The following PTBP1 variants were observed in gnomAD, a reference collection of about 807,000 sequenced individuals.
PTBP1 encodes polypyrimidine tract-binding protein 1.
In PTBP1, 8 loss-of-function variants were observed where a neutral mutation model predicts 59.8. That is an observed-to-expected ratio of 0.13 (90% confidence interval 0.08 to 0.24). PTBP1 has a LOEUF of 0.24. PTBP1 is among the 10% of genes least tolerant of loss of function. The pLI is 1.00. For synonymous variants in PTBP1, 490 were observed against 320.7 expected (o/e 1.53, Z -5.64); for missense variants, 686 against 767.0 (o/e 0.89, Z 1.25).
chr19:800,380 G>A (rs970172923), intron 2 of PTBP1, among the ~76,000 whole-genome samples: 2 of 152,212 alleles, frequency 1.3e-5, no homozygotes, highest in Admixed American at 6.5e-5. Flanking sequence ...GGCTCAGCAT[G>A]TGAGGAAAGG....
intron 3 of PTBP1, among the ~76,000 whole-genome samples, 166 bp from the exon 4 acceptor site, chr19:803,870 G>A (rs1438171529): frequency 2.0e-5 from 3 of 152,166 alleles, no homozygotes; most frequent in Non-Finnish European, 4.4e-5. Context: ...GGGAGCAGGG[G>A]TCCTGACTGT....
At chr19:807,554 C>G in intron 10 of PTBP1, 1 of 391,010 alleles carries the variant, frequency 2.6e-6, no homozygotes, top group Non-Finnish European at 4.6e-6. Flanking sequence ...CTTTTCTCCC[C>G]TTCCCCTTTC....
chr19:809,921 T>C (rs1364927557), intron 13 of PTBP1, among the ~76,000 whole-genome samples: 1 of 152,094 alleles, frequency 6.6e-6, no homozygotes, highest in Non-Finnish European at 1.5e-5. Context: ...ATAATGCAAG[T>C]ATTTGGAAAT....
chr19:808,799 C>T lies in PTBP1; in HGVS notation c.1463+37C>T, dbSNP rs201458997. 1,263 of 1,568,560 alleles carry T rather than the reference C, an allele frequency of 8.1e-4. 24 individuals carry two copies. In the East Asian group the frequency reaches 0.018, roughly 22 times the overall value. ...GCCGGGGGGCTCATGGGGCCGGGGG[C>T]GGGCAAGGGCTCTGCTTGGCTGTCC... On this transcript the variant is annotated intron_variant, in intron 13 of 14. Coordinates refer to ENST00000356948, the MANE Select transcript of PTBP1 (RefSeq NM_002819.5). This position sits in a 1 kb window ranked among gnomAD's most constrained non-coding sequence, Gnocchi z 4.7.
Position 806,419 on chromosome 19 carries a change from C to G in PTBP1, c.982C>G (p.Pro328Ala). ...AIPQAAGLSV[P>A]NVHGALAPLA... The stretch of plus-strand genomic sequence containing the variant: ...TCCTGCTTTTCCAGGCCTTTCCGTT[C>G]CGAACGTCCACGGCGCCCTGGCCCC... The change falls in exon 10 of 15, where the codon CCG becomes GCG. Residue 328 changes from proline (P) to alanine (A), a missense_variant. Pro to Ala is a conservative substitution (Grantham distance 27). Coordinates refer to ENST00000356948, the MANE Select transcript of PTBP1 (RefSeq NM_002819.5). The G allele has an allele frequency of 1.9e-6, 3 of 1,603,160 alleles. No homozygotes were observed. The highest frequency in any genetic ancestry group is 1.1e-5 in the South Asian group (1 of 90,512).
intron 2 of PTBP1, among the ~76,000 whole-genome samples, chr19:802,942 C>G (rs1215557789): frequency 1.3e-5 from 2 of 152,226 alleles, no homozygotes; most frequent in East Asian, 3.8e-4. Flanking sequence ...GGCCGCGATA[C>G]CAGCGGATCA....
At position 810,939 on chromosome 19, in the gene PTBP1, A is replaced by T. The variant is rs950590809; in HGVS notation, c.*113A>T. 2 of 1,147,764 alleles carry T rather than the reference A, an allele frequency of 1.7e-6. No individual in the cohort carries two copies. Among genetic ancestry groups the T allele is most frequent in the African/African-American group, 1.6e-5 (1 of 61,968 alleles). The allele number at this position is 1,147,764 out of a possible 1,614,324, so 71.1% of individuals were successfully genotyped here. On this transcript the variant is annotated 3_prime_UTR_variant, in exon 15 of 15. Transcript: ENST00000356948. ...AGCAGACCAGAGATTTTATTTTTTT[A>T]AAGAGAAATCAGTTTACCTGTTTTT...
Position 803,603 on chromosome 19 carries a change from C to T in PTBP1, c.82C>T (p.Pro28Ser), listed in dbSNP as rs779514191. ...ELFSTCVTNG[P>S]FIMSSNSASA... is the part of the protein sequence containing the mutation. ...TTTCTCTACTTGTGTCACTAACGGA[C>T]CGTTTATCATGAGCAGCAACTCGGC... The change falls in exon 3 of 15, where the codon CCG (proline) becomes TCG (serine). Residue 28 changes from proline to serine, a missense_variant. Transcript: ENST00000356948. The T allele has an allele frequency of 1.4e-5, 22 of 1,614,184 alleles. No homozygotes were observed. The South Asian group carries it at 2.4e-4, about 18-fold the overall frequency.
chr19:806,166 A>G lies in PTBP1; in HGVS notation c.971-242A>G, dbSNP rs2034560855. On this transcript the variant is annotated intron_variant, in intron 9 of 14. Transcript: ENST00000356948. ...CTTTTCTGTGCTGTGGGCGGGGCGCATGCAGATGAGCCCAGGCCCGGCCCG... is the reference window on the plus strand; with the variant it reads ...CTTTTCTGTGCTGTGGGCGGGGCGCGTGCAGATGAGCCCAGGCCCGGCCCG... 6.6e-5 allele frequency: 29 copies of G among 437,564 alleles called. No homozygotes were observed. The South Asian group carries it at 1.2e-3, about 18-fold the overall frequency. 27.1% of individuals were successfully genotyped at this position (437,564 alleles called of 1,614,324 possible).
At chr19:807,839 C>T in intron 10 of PTBP1, 30 bp from the exon 11 acceptor site, 2 of 1,609,330 alleles carry the variant, frequency 1.2e-6, no homozygotes, top group East Asian at 4.5e-5. Context: ...TCCCCTGTCC[C>T]TCCGCTGCCT....
chr19:804,537 C>G lies in PTBP1; in HGVS notation c.441C>G (p.Ala147=). ...KTDSSPNQAR[A]QAALQAVNSV... ...CACGGCTGTGCCTCCCACAGCGGGCCCAGGCGGCCCTGCAGGCGGTGAACT... is the reference window on the plus strand; with the variant it reads ...CACGGCTGTGCCTCCCACAGCGGGCGCAGGCGGCCCTGCAGGCGGTGAACT... Residue 147 remains alanine (A), a synonymous_variant, in exon 6 of 15, where the codon GCC becomes GCG. Coordinates refer to ENST00000356948, the MANE Select transcript of PTBP1 (RefSeq NM_002819.5). 1 of 1,602,510 alleles carries G rather than the reference C, an allele frequency of 6.2e-7. No individual in the cohort carries two copies. The highest frequency in any genetic ancestry group is 8.5e-7 in the Non-Finnish European group (1 of 1,176,724).
At position 808,516 on chromosome 19, in the gene PTBP1, C is replaced by T. The variant is rs757282180; in HGVS notation, c.1247-30C>T. 3.2e-6 allele frequency: 5 copies of T among 1,560,814 alleles called. No homozygotes were observed. Among genetic ancestry groups the T allele is most frequent in the African/African-American group, 2.7e-5 (2 of 73,374 alleles). On this transcript the variant is annotated intron_variant, in intron 12 of 14. Transcript: ENST00000356948. The surrounding 1 kb of genome is among the most constrained non-coding windows in gnomAD (Gnocchi z 4.7). ...GGCGGGGGCTGCGTTCCCTCTCGGG[C>T]GCCTGGTCACGCGGGTGCTGCTCCC...
At position 805,516 on chromosome 19, in the gene PTBP1, C is replaced by A; in HGVS notation, c.917C>A (p.Ser306Tyr). ...GGTGCACCTGGTATAATCTCAGCCTCTCCGTATGCAGGAGCTGGTTTCCCT... is the reference window on the plus strand; with the variant it reads ...GGTGCACCTGGTATAATCTCAGCCTATCCGTATGCAGGAGCTGGTTTCCCT... ...AFGAPGIISA[S>Y]PYAGAGFPPT... is the part of the protein sequence containing the mutation. The change falls in exon 9 of 15, where the codon TCT becomes TAT. Residue 306 changes from serine (S) to tyrosine (Y), a missense_variant. By Grantham distance (144) the Ser-to-Tyr change is moderately radical. Transcript: ENST00000356948. The A allele has an allele frequency of 6.2e-7, 1 of 1,613,856 alleles. No individual in the cohort carries two copies. The highest frequency in any genetic ancestry group is 8.5e-7 in the Non-Finnish European group (1 of 1,179,722).
chr19:811,917 GCTC>G lies in PTBP1; in HGVS notation c.*1097_*1099del, dbSNP rs3837989. On this transcript the variant is annotated 3_prime_UTR_variant, in exon 15 of 15. Coordinates refer to ENST00000356948, the MANE Select transcript of PTBP1 (RefSeq NM_002819.5). ...TGATGCTGGGACCCGGAAGGCGGGCGCTCCTCCTGTCTTCTCTGTGCTCTTTCT... is the reference window on the plus strand; with the variant it reads ...TGATGCTGGGACCCGGAAGGCGGGCGCTCCTGTCTTCTCTGTGCTCTTTCT... The G allele has an allele frequency of 0.3, 45,724 of 150,478 alleles. 6,931 individuals carry two copies. Among genetic ancestry groups the G allele is most frequent in the South Asian group, 0.42 (2,013 of 4,780 alleles). 9.3% of individuals were successfully genotyped at this position (150,478 alleles called of 1,614,324 possible). A position where few individuals can be genotyped will look rare whatever the true frequency, so the allele number is the denominator to read the frequency against.
chr19:804,843 C>T lies in PTBP1; in HGVS notation c.621C>T (p.Phe207=), dbSNP rs147803014. The T allele has an allele frequency of 7.2e-5, 116 of 1,613,842 alleles. No individual in the cohort carries two copies. The highest frequency in any genetic ancestry group is 6.4e-4 in the African/African-American group (48 of 75,034). The change falls in exon 7 of 15, where the codon TTC becomes TTT. Residue 207 remains phenylalanine (F), a synonymous_variant. Coordinates refer to ENST00000356948, the MANE Select transcript of PTBP1 (RefSeq NM_002819.5). ...LDVLHQIFSK[F]GTVLKIITFT... is the part of the protein sequence containing the mutation. ...GGGACCTGCAGATTTTCTCCAAGTT[C>T]GGCACAGTGTTGAAGATCATCACCT...
At chr19:803,982 C>T in intron 3 of PTBP1, 54 bp from the exon 4 acceptor site, 2 of 1,604,962 alleles carry the variant, frequency 1.2e-6, no homozygotes, top group Non-Finnish European at 1.7e-6. Flanking sequence ...CAGGGACCTT[C>T]CTCTGTGGGC....
chr19:810,938 T>TA lies in PTBP1; in HGVS notation c.*115dup. On this transcript the variant is annotated 3_prime_UTR_variant, in exon 15 of 15. Transcript: ENST00000356948. ...TAGCAGACCAGAGATTTTATTTTTTTAAAGAGAAATCAGTTTACCTGTTTT... is the reference window on the plus strand; with the variant it reads ...TAGCAGACCAGAGATTTTATTTTTTTAAAAGAGAAATCAGTTTACCTGTTTT... The TA allele has an allele frequency of 8.7e-7, 1 of 1,142,972 alleles. No individual in the cohort carries two copies. Among genetic ancestry groups the TA allele is most frequent in the Non-Finnish European group, 1.2e-6 (1 of 842,542 alleles). 70.8% of individuals were successfully genotyped at this position (1,142,972 alleles called of 1,614,324 possible). A position where few individuals can be genotyped will look rare whatever the true frequency, so the allele number is the denominator to read the frequency against.
chr19:805,391 C>T (rs2034519506), intron 8 of PTBP1, 101 bp from the exon 9 acceptor site: 6 of 1,296,052 alleles, frequency 4.6e-6, no homozygotes, highest in Admixed American at 3.6e-5. Flanking sequence ...GAAGGCTCTG[C>T]CGGGGCCGCC....
chr19:797,909 C>G (rs1297792211), intron 1 of PTBP1, among the ~76,000 whole-genome samples: 3 of 148,824 alleles, frequency 2.0e-5, no homozygotes, highest in Non-Finnish European at 4.5e-5. Flanking sequence ...CCTGCGTAGC[C>G]CGTCGCGCGT....
Sources: gnomAD v4.1 joint callset for allele counts (sites outside exome capture counted in the v4.1 genomes callset) on GRCh38, gnomAD v4.1.1 for gene constraint, Gnocchi (gnomAD v3.1) non-coding constraint, MANE v1.5 for transcripts, NCBI Gene and HGNC (gene_info 2026-07-23, HGNC 2026-07-21) for gene names.